Variants in CPXM2 observed in about 807,000 individuals in gnomAD.
CPXM2 encodes carboxypeptidase X, M14 family member 2.
In CPXM2, 66 loss-of-function variants were observed where a neutral mutation model predicts 86.1. That is an observed-to-expected ratio of 0.77 (90% CI 0.63 to 0.94). The LOEUF (loss-of-function observed/expected upper bound fraction) is 0.94, where lower values mean the gene tolerates loss of function less well. Ranked by LOEUF, CPXM2 falls within the 40% of genes least tolerant of loss-of-function variation. CPXM2 has a pLI of 0.00. For missense variants in CPXM2, 948 were observed against 1,026.3 expected, an observed-to-expected ratio of 0.92 and a Z score of 1.04; for synonymous variants, 388 against 400.2, an observed-to-expected ratio of 0.97 and a Z score of 0.36.
intron 3 of CPXM2, among the ~76,000 whole-genome samples, chr10:123,861,599 T>A (rs1848850176): frequency 1.3e-5 from 2 of 151,854 alleles, no homozygotes; most frequent in African/African-American, 2.4e-5. Flanking sequence ...TCAAGGATCC[T>A]CAAAAGGGGA....
intron 13 of CPXM2, chr10:123,752,623 G>A (rs140104067): frequency 2.5e-4 from 245 of 985,118 alleles, no homozygotes; most frequent in Non-Finnish European, 2.8e-4. Context: ...TTGTTGGCAC[G>A]ACAGGATCAT....
intron 11 of CPXM2, among the ~76,000 whole-genome samples, chr10:123,759,854 A>C (rs1846294125): frequency 6.6e-6 from 1 of 152,196 alleles, no homozygotes. Flanking sequence ...CACTCCAAAC[A>C]ATGTGCATTT....
chr10:123,821,428 A>G (rs1847921800), intron 4 of CPXM2, among the ~76,000 whole-genome samples: 1 of 152,246 alleles, frequency 6.6e-6, no homozygotes, highest in African/African-American at 2.4e-5. Context: ...CCTGACTGGC[A>G]AGAACTGACA....
In CPXM2 at chr10:123,842,401, G is replaced by A. The variant is rs137943270; in HGVS notation, c.601C>T (p.Arg201Cys). 49 of 1,614,102 alleles carry A rather than the reference G, an allele frequency of 3.0e-5. No individual in the cohort carries two copies. In the Middle Eastern group the frequency reaches 4.9e-4, roughly 16 times the overall value. The change falls in exon 4 of 14, where the codon CGC becomes TGC. Residue 201 changes from arginine (R) to cysteine (C), a missense_variant. By Grantham distance (180) the Arg-to-Cys change is radical. Coordinates refer to ENST00000241305, the MANE Select transcript of CPXM2 (RefSeq NM_198148.3). The stretch of plus-strand genomic sequence containing the variant: ...ATGACACCAGTGAATCTGGTCAGGC[G>A]CCGAGCATCCACTTCAATCCACTGC... Reference protein sequence around the residue: ...LQQWIEVDARRLTRFTGVITQ... With the variant: ...LQQWIEVDARCLTRFTGVITQ...
chr10:123,930,384 A>G (rs571550842), intron 2 of CPXM2, among the ~76,000 whole-genome samples: 2 of 152,378 alleles, frequency 1.3e-5, no homozygotes, highest in East Asian at 3.9e-4. Flanking sequence ...TGCTTCCAGC[A>G]GCCCCATGAC....
At chr10:123,848,571 GA>G (rs2134166607) in intron 3 of CPXM2, among the ~76,000 whole-genome samples, 1 of 152,254 alleles carries the variant, frequency 6.6e-6, no homozygotes, top group South Asian at 2.1e-4. Context: ...TATACTAACT[GA>G]AAAAGAAACA....
intron 4 of CPXM2, among the ~76,000 whole-genome samples, chr10:123,815,745 G>A (rs1168600027): frequency 6.6e-6 from 1 of 152,154 alleles, no homozygotes; most frequent in Admixed American, 6.6e-5. Flanking sequence ...GTCCTGGCAG[G>A]CCCCTAGAGG....
At chr10:123,780,298 A>C in intron 6 of CPXM2, 43 bp from the exon 7 acceptor site, 1 of 1,190,098 alleles carries the variant, frequency 8.4e-7, no homozygotes, top group Non-Finnish European at 1.3e-6. Context: ...CCATCATTCT[A>C]TCTCCCATGG....
At chr10:123,841,944 G>C (rs2134153910) in intron 4 of CPXM2, among the ~76,000 whole-genome samples, 1 of 152,252 alleles carries the variant, frequency 6.6e-6, no homozygotes, top group Admixed American at 6.5e-5. Flanking sequence ...TTCTTTCCAG[G>C]ATCTGGACAA....
chr10:123,808,322 G>T (rs930439536), intron 4 of CPXM2, among the ~76,000 whole-genome samples: 2 of 152,170 alleles, frequency 1.3e-5, no homozygotes, highest in Admixed American at 6.5e-5. Context: ...CAGTGGGTTT[G>T]TGAGCAAGTA....
chr10:123,837,534 A>T (rs530873465), intron 4 of CPXM2, among the ~76,000 whole-genome samples: 1 of 152,350 alleles, frequency 6.6e-6, no homozygotes, highest in Non-Finnish European at 1.5e-5. Context: ...CTTTTCAATC[A>T]TCACATTGGT....
chr10:123,747,759 T>C (rs1845997249), intron 13 of CPXM2, among the ~76,000 whole-genome samples: 1 of 151,810 alleles, frequency 6.6e-6, no homozygotes, highest in Non-Finnish European at 1.5e-5. Context: ...ATGCCTGTAA[T>C]CTCAGCACTT....
At chr10:123,856,273 A>T (rs1223205565) in intron 3 of CPXM2, among the ~76,000 whole-genome samples, 3 of 152,220 alleles carry the variant, frequency 2.0e-5, no homozygotes, top group Non-Finnish European at 4.4e-5. Context: ...TGTAATTTAA[A>T]TTCTTGAGAA....
chr10:123,891,740 G>A lies in CPXM2; in HGVS notation c.-81C>T. On this transcript the variant is annotated 5_prime_UTR_variant, in exon 1 of 14. Coordinates refer to ENST00000241305, the MANE Select transcript of CPXM2 (RefSeq NM_198148.3). This position sits in a 1 kb window ranked among gnomAD's most constrained non-coding sequence, Gnocchi z 5.6. ...GCTGCGGGCGCAGAAGCTGGCGCGG[G>A]GCAAGGGCGCAGGGCACAGCAGAGC... 2 of 1,127,996 alleles carry A rather than the reference G, an allele frequency of 1.8e-6. No individual in the cohort carries two copies. Among genetic ancestry groups the A allele is most frequent in the East Asian group, 3.3e-5 (1 of 30,148 alleles). The allele number at this position is 1,127,996 out of a possible 1,614,324, so 69.9% of individuals were successfully genotyped here. A position where few individuals can be genotyped will look rare whatever the true frequency, so the allele number is the denominator to read the frequency against.
chr10:123,815,704 AC>A (rs1443831915), intron 4 of CPXM2, among the ~76,000 whole-genome samples: 1 of 151,622 alleles, frequency 6.6e-6, no homozygotes. Flanking sequence ...CACCCCCAAC[AC>A]CCCTGTTTCC....
chr10:123,799,996 T>C (rs1205828882), intron 4 of CPXM2, among the ~76,000 whole-genome samples: 1 of 151,774 alleles, frequency 6.6e-6, no homozygotes, highest in African/African-American at 2.4e-5. Flanking sequence ...TTTTTAAATA[T>C]TGGAACTAAG....
intron 12 of CPXM2, among the ~76,000 whole-genome samples, chr10:123,755,239 T>A (rs1366760712): frequency 6.6e-6 from 1 of 152,206 alleles, no homozygotes; most frequent in Non-Finnish European, 1.5e-5. Flanking sequence ...TGGTCTGCCT[T>A]GGAGCACAGA....
intron 4 of CPXM2, among the ~76,000 whole-genome samples, chr10:123,812,785 T>C (rs909559921): frequency 6.6e-6 from 1 of 152,200 alleles, no homozygotes; most frequent in Non-Finnish European, 1.5e-5. Flanking sequence ...TAATGCGTGA[T>C]GATCTGAAGT....
At chr10:123,810,598 A>C (rs953059521) in intron 4 of CPXM2, among the ~76,000 whole-genome samples, 3 of 152,116 alleles carry the variant, frequency 2.0e-5, no homozygotes, top group Non-Finnish European at 2.9e-5. Flanking sequence ...ACCAGCTGCC[A>C]AAAATAAGGT....
Sources: gnomAD v4.1 joint callset for allele counts (sites outside exome capture counted in the v4.1 genomes callset) on GRCh38, gnomAD v4.1.1 for gene constraint, Gnocchi (gnomAD v3.1) non-coding constraint, MANE v1.5 for transcripts, NCBI Gene and HGNC (gene_info 2026-07-23, HGNC 2026-07-21) for gene names.